Variants in PARN observed in about 807,000 individuals in gnomAD.
PARN encodes the protein poly(A)-specific ribonuclease PARN.
PARN carries 71 observed loss-of-function variants against 102.8 expected under a neutral mutation model. That is an observed-to-expected ratio of 0.69 (90% CI 0.57 to 0.84). PARN has a LOEUF of 0.84. Ranked by LOEUF, PARN falls within the 40% of genes least tolerant of loss-of-function variation. The pLI is 0.00. For synonymous variants in PARN, 261 were observed against 252.9 expected (o/e 1.03, Z -0.30); for missense variants, 782 against 760.9 (o/e 1.03, Z -0.33).
At chr16:14,447,482 G>A (rs1404989320) in intron 22 of PARN, among the ~76,000 whole-genome samples, 1 of 152,318 alleles carries the variant, frequency 6.6e-6, no homozygotes, top group East Asian at 1.9e-4. Context: ...CTTCATGACT[G>A]CCTAATGCAT....
chr16:14,536,176 A>G (rs1304572982), intron 21 of PARN, among the ~76,000 whole-genome samples: 1 of 152,224 alleles, frequency 6.6e-6, no homozygotes, highest in African/African-American at 2.4e-5. Context: ...ATTCTGGATT[A>G]GCCATTTATA....
At chr16:14,540,625 C>A (rs1012662061) in intron 21 of PARN, among the ~76,000 whole-genome samples, 1 of 152,086 alleles carries the variant, frequency 6.6e-6, no homozygotes, top group African/African-American at 2.4e-5. Context: ...GAAGGAAGGT[C>A]TGGATCACAA....
chr16:14,556,153 C>CTATTAT (rs757486620), intron 18 of PARN, among the ~76,000 whole-genome samples: 1 of 146,848 alleles, frequency 6.8e-6, no homozygotes, highest in Non-Finnish European at 1.5e-5. Context: ...ATTATTATTA[C>CTATTAT]TATTATTATT....
intron 18 of PARN, among the ~76,000 whole-genome samples, chr16:14,558,950 G>C (rs1389263667): frequency 6.6e-6 from 1 of 152,054 alleles, no homozygotes; most frequent in African/African-American, 2.4e-5. Context: ...CTTAGAAAAA[G>C]CCAACCGAAA....
rs2151573919 is a variant in PARN, at chr16:14,462,189, AG to A, written c.1671-15109del. On this transcript the variant is annotated intron_variant, in intron 22 of 23. Coordinates refer to ENST00000437198, the MANE Select transcript of PARN (RefSeq NM_002582.4). ...ATAAAAGATAATTCTACATCCAACA[AG>A]GAAGAGCTGTATGCATTCTTTCAAA... Among the ~76,000 whole-genome samples the A allele has an allele frequency of 1.3e-5, 2 of 152,340 alleles. 1 individual carries two copies. Among genetic ancestry groups the A allele is most frequent in the South Asian group, 4.1e-4 (2 of 4,828 alleles).
At chr16:14,493,000 C>G (rs1046643139) in intron 21 of PARN, among the ~76,000 whole-genome samples, 1 of 152,122 alleles carries the variant, frequency 6.6e-6, no homozygotes, top group African/African-American at 2.4e-5. Flanking sequence ...TGTTAAATCA[C>G]AAATATATAA....
chr16:14,604,261 T>C (rs1596829039), intron 10 of PARN, 35 bp from the exon 11 acceptor site: 4 of 1,347,828 alleles, frequency 3.0e-6, no homozygotes, highest in African/African-American at 1.5e-5. Context: ...AATTTTCTTT[T>C]CTTTTTCTTT....
At chr16:14,590,733 G>A (rs747748469) in intron 13 of PARN, among the ~76,000 whole-genome samples, 1 of 152,012 alleles carries the variant, frequency 6.6e-6, no homozygotes, top group Non-Finnish European at 1.5e-5. Context: ...GTGTTAAAAG[G>A]TGATAGAGCT....
chr16:14,474,882 T>C (rs1055905009), intron 22 of PARN, among the ~76,000 whole-genome samples: 2 of 152,250 alleles, frequency 1.3e-5, no homozygotes, highest in African/African-American at 2.4e-5. Context: ...TCCTGGAATA[T>C]GATCTGGTGA....
chr16:14,447,988 A>G (rs772076436), intron 22 of PARN, among the ~76,000 whole-genome samples: 1 of 146,140 alleles, frequency 6.8e-6, no homozygotes, highest in Non-Finnish European at 1.5e-5. Context: ...CTATCTATCT[A>G]ATCTAATTAT....
At chr16:14,535,269 C>A (rs1966562619) in intron 21 of PARN, among the ~76,000 whole-genome samples, 1 of 152,182 alleles carries the variant, frequency 6.6e-6, no homozygotes, top group African/African-American at 2.4e-5. Flanking sequence ...CCACTGCCAT[C>A]AATTTTAAGT....
intron 16 of PARN, 57 bp downstream of exon 16, chr16:14,584,290 A>T (rs1969706381): frequency 8.0e-7 from 1 of 1,247,180 alleles, no homozygotes; most frequent in Non-Finnish European, 1.2e-6. Flanking sequence ...TTCTTCTACA[A>T]TATACATCAA....
intron 18 of PARN, among the ~76,000 whole-genome samples, chr16:14,573,600 G>T (rs1206974975): frequency 6.6e-6 from 1 of 152,192 alleles, no homozygotes; most frequent in African/African-American, 2.4e-5. Flanking sequence ...CTTTGGCTAT[G>T]TCCCCATCCA....
chr16:14,504,647 C>T (rs1964798158), intron 21 of PARN, among the ~76,000 whole-genome samples: 1 of 152,086 alleles, frequency 6.6e-6, no homozygotes. Context: ...GCAATAATAA[C>T]CAAACAAAAT....
intron 23 of PARN, among the ~76,000 whole-genome samples, chr16:14,439,064 GAAC>G (rs1464646342): frequency 3.3e-5 from 5 of 152,132 alleles, no homozygotes; most frequent in Non-Finnish European, 7.4e-5. Flanking sequence ...AATCATTTAG[GAAC>G]AACTTTTCTT....
intron 21 of PARN, among the ~76,000 whole-genome samples, chr16:14,506,900 C>CA (rs1964922978): frequency 6.6e-6 from 1 of 151,880 alleles, no homozygotes; most frequent in Non-Finnish European, 1.5e-5. Context: ...CAAAAACAAA[C>CA]AAAAAAGGAA....
intron 21 of PARN, among the ~76,000 whole-genome samples, chr16:14,509,072 C>G (rs1965054007): frequency 2.0e-5 from 3 of 152,022 alleles, no homozygotes. Flanking sequence ...GGTGACGTCA[C>G]CCACTGAGAC....
At chr16:14,556,018 A>G (rs1014808894) in intron 18 of PARN, among the ~76,000 whole-genome samples, 1 of 151,874 alleles carries the variant, frequency 6.6e-6, no homozygotes, top group African/African-American at 2.4e-5. Flanking sequence ...TATTTTTAGT[A>G]CAAACGGGGT....
chr16:14,522,784 A>G (rs762237838), intron 21 of PARN, among the ~76,000 whole-genome samples: 14 of 152,194 alleles, frequency 9.2e-5, no homozygotes, highest in Non-Finnish European at 1.6e-4. Flanking sequence ...AGAAATGGCA[A>G]CCAAAGCTCC....
Sources: allele counts gnomAD v4.1 joint callset (sites outside exome capture counted in the v4.1 genomes callset), GRCh38; gene constraint gnomAD v4.1.1; transcripts MANE v1.5; gene names NCBI Gene and HGNC (gene_info 2026-07-23, HGNC 2026-07-21).